The following CIAPIN1 variants were observed in gnomAD, a reference collection of about 807,000 sequenced individuals.
The protein encoded by CIAPIN1 is cytokine induced apoptosis inhibitor 1.
In CIAPIN1, 18 loss-of-function variants were observed where a neutral mutation model predicts 34.3. The ratio of observed to expected loss-of-function variants is 0.52; its 90% CI spans 0.36 to 0.78. CIAPIN1 has a LOEUF of 0.78. Among genes scored for constraint, CIAPIN1 ranks in the 30% least tolerant of loss-of-function variants. The pLI is 0.00. For synonymous variants in CIAPIN1, 131 were observed against 140.4 expected, an observed-to-expected ratio of 0.93 and a Z score of 0.47; for missense variants, 310 against 372.5, an observed-to-expected ratio of 0.83 and a Z score of 1.38.
At chr16:57,436,474 C>T (rs1396675966) in intron 4 of CIAPIN1, among the ~76,000 whole-genome samples, 182 bp downstream of exon 4, 1 of 152,106 alleles carries the variant, frequency 6.6e-6, no homozygotes. Context: ...GTGATCCACC[C>T]ACCTCGGCCT....
At chr16:57,446,581 C>A (rs2030080504) in intron 1 of CIAPIN1, among the ~76,000 whole-genome samples, 1 of 152,182 alleles carries the variant, frequency 6.6e-6, no homozygotes. Flanking sequence ...TCTGATGACA[C>A]CCCCGTGAAG....
At chr16:57,434,274 T>A in intron 4 of CIAPIN1, 62 bp from the exon 5 acceptor site, 1 of 1,516,658 alleles carries the variant, frequency 6.6e-7, no homozygotes, top group South Asian at 1.1e-5. Flanking sequence ...TTACTATGTC[T>A]ACCTACACAG....
chr16:57,431,064 T>G lies in CIAPIN1; in HGVS notation c.746+87A>C, dbSNP rs1301868074. 1.7e-5 allele frequency: 12 copies of G among 702,138 alleles called. No homozygotes were observed. In the African/African-American group the frequency reaches 2.1e-4, roughly 12 times the overall value. The allele number at this position is 702,138 out of a possible 1,614,324, so 43.5% of individuals were successfully genotyped here. ...TGTGTTGCCCAGCCTGGAAAATGTA[T>G]GTTCTAAAAATAGTACAGCACCGCG... On this transcript the variant is annotated intron_variant, in intron 7 of 8. Transcript: ENST00000394391.
At chr16:57,430,374 G>A (rs745582999) in intron 7 of CIAPIN1, 35 bp from the exon 8 acceptor site, 2 of 1,600,930 alleles carry the variant, frequency 1.2e-6, no homozygotes, top group Non-Finnish European at 1.7e-6. Flanking sequence ...AACGAGAATT[G>A]TCACCACCCA....
At position 57,432,501 on chromosome 16, in the gene CIAPIN1, C is replaced by G; in HGVS notation, c.616G>C (p.Glu206Gln). ...KLWTLSANDM[E>Q]DDSMDLIDSD... ...TGCCAGCTCACCATGCTGTCGTCCT[C>G]CATATCGTTGGCTGAGAGGGTCCAC... Residue 206 changes from glutamate to glutamine, a missense_variant, in exon 6 of 9, where the codon GAG (glutamate) becomes CAG (glutamine). Coordinates refer to ENST00000394391, the MANE Select transcript of CIAPIN1 (RefSeq NM_020313.4). 7.4e-6 allele frequency: 12 copies of G among 1,613,716 alleles called. No homozygotes were observed. The highest frequency in any genetic ancestry group is 9.3e-6 in the Non-Finnish European group (11 of 1,179,910).
intron 4 of CIAPIN1, among the ~76,000 whole-genome samples, chr16:57,435,526 C>T (rs1024461757): frequency 2.6e-5 from 4 of 152,232 alleles, no homozygotes; most frequent in African/African-American, 9.6e-5. Context: ...TAAGGCCTGG[C>T]TCACGCCTGT....
Position 57,429,262 on chromosome 16 carries a change from A to C in CIAPIN1, c.847T>G (p.Phe283Val), listed in dbSNP as rs781308484. 3.7e-5 allele frequency: 60 copies of C among 1,613,850 alleles called. No homozygotes were observed. The Admixed American group carries it at 9.8e-4, about 26-fold the overall frequency. The change falls in exon 9 of 9, where the codon TTC becomes GTC. Residue 283 changes from phenylalanine (F) to valine (V), a missense_variant. By Grantham distance (50) the Phe-to-Val change is conservative. Coordinates refer to ENST00000394391, the MANE Select transcript of CIAPIN1 (RefSeq NM_020313.4). Reference sequence around the variant, plus strand: ...AGGTAGGGGCAGCTGGCACAGCGGAAGGCATCGCCCAGGTAGCACTGGAGA... The same window carrying C: ...AGGTAGGGGCAGCTGGCACAGCGGACGGCATCGCCCAGGTAGCACTGGAGA... Reference protein sequence around the residue: ...ACGNCYLGDAFRCASCPYLGM... With the variant: ...ACGNCYLGDAVRCASCPYLGM...
chr16:57,439,907 C>T (rs1903289043), intron 2 of CIAPIN1, among the ~76,000 whole-genome samples: 1 of 152,174 alleles, frequency 6.6e-6, no homozygotes, highest in African/African-American at 2.4e-5. Flanking sequence ...GACATCTGCG[C>T]ACCTTGAAAA....
intron 1 of CIAPIN1, among the ~76,000 whole-genome samples, chr16:57,446,843 C>A (rs1016892903): frequency 1.3e-5 from 2 of 152,218 alleles, no homozygotes; most frequent in Admixed American, 1.3e-4. Context: ...ACTCAACACG[C>A]TGGGGGTTCG....
intron 1 of CIAPIN1, among the ~76,000 whole-genome samples, chr16:57,446,111 G>GGAC (rs1340892476): frequency 6.6e-5 from 10 of 152,140 alleles, no homozygotes; most frequent in Non-Finnish European, 1.5e-4. Flanking sequence ...CTCCCAAAGT[G>GGAC]CTGGGATTAC....
At chr16:57,430,509 G>A (rs1903063359) in intron 7 of CIAPIN1, 170 bp from the exon 8 acceptor site, 4 of 624,554 alleles carry the variant, frequency 6.4e-6, no homozygotes, top group Non-Finnish European at 1.1e-5. Context: ...GAGGGAGACA[G>A]AAGTGGGAGG....
intron 4 of CIAPIN1, 72 bp from the exon 5 acceptor site, chr16:57,434,284 G>A (rs1257041768): frequency 3.5e-6 from 5 of 1,432,718 alleles, no homozygotes; most frequent in Non-Finnish European, 4.9e-6. Context: ...TACCTACACA[G>A]GAGTCAAAGA....
intron 4 of CIAPIN1, among the ~76,000 whole-genome samples, chr16:57,436,286 G>A (rs1396656964): frequency 6.6e-6 from 1 of 152,196 alleles, no homozygotes; most frequent in African/African-American, 2.4e-5. Flanking sequence ...GGAGGGCAGT[G>A]GCGTGATCTC....
intron 3 of CIAPIN1, among the ~76,000 whole-genome samples, chr16:57,437,515 A>T (rs902263694): frequency 1.3e-4 from 19 of 150,288 alleles, no homozygotes; most frequent in African/African-American, 2.2e-4. Context: ...ATATTATTTT[A>T]TTATTATTAT....
At chr16:57,429,727 C>A (rs1046149022) in intron 8 of CIAPIN1, among the ~76,000 whole-genome samples, 1 of 151,336 alleles carries the variant, frequency 6.6e-6, no homozygotes. Flanking sequence ...CTCCTGACCT[C>A]GTGATCCGCC....
chr16:57,433,279 A>G (rs775659798), intron 5 of CIAPIN1, among the ~76,000 whole-genome samples: 3 of 152,202 alleles, frequency 2.0e-5, no homozygotes, highest in Non-Finnish European at 2.9e-5. Flanking sequence ...AGTACCCTCT[A>G]GTGATCATTG....
chr16:57,440,706 A>G, intron 2 of CIAPIN1, 66 bp downstream of exon 2: 1 of 1,503,160 alleles, frequency 6.7e-7, no homozygotes, highest in Non-Finnish European at 9.0e-7. Flanking sequence ...TCAAGGAACC[A>G]CAGAAATGCA....
rs567946716 is a variant in CIAPIN1 at position 57,428,742 on chromosome 16, A to G, written c.*428T>C. 88 of 155,076 alleles carry G rather than the reference A, an allele frequency of 5.7e-4. No homozygotes were observed. Among genetic ancestry groups the G allele is most frequent in the Middle Eastern group, 3.4e-3 (1 of 294 alleles). The allele number at this position is 155,076 out of a possible 1,614,324, so 9.6% of individuals were successfully genotyped here. On this transcript the variant is annotated 3_prime_UTR_variant, in exon 9 of 9. Coordinates refer to ENST00000394391, the MANE Select transcript of CIAPIN1 (RefSeq NM_020313.4). The stretch of plus-strand genomic sequence containing the variant: ...GAGCCACTTGACTCGTGTCACAAAG[A>G]ATGGAGTAAACTAACAACTCTGAAA...
intron 7 of CIAPIN1, 22 bp downstream of exon 7, chr16:57,431,129 C>T: frequency 6.7e-7 from 1 of 1,482,940 alleles, no homozygotes; most frequent in South Asian, 1.1e-5. Flanking sequence ...GCATGGCAGG[C>T]TCCAGTCACC....
Sources: allele counts gnomAD v4.1 joint callset (sites outside exome capture counted in the v4.1 genomes callset), GRCh38; gene constraint gnomAD v4.1.1; transcripts MANE v1.5; gene names NCBI Gene and HGNC (gene_info 2026-07-23, HGNC 2026-07-21).